ATP8B4: variants seen among roughly 807,000 people sequenced by gnomAD.
ATP8B4 encodes ATPase phospholipid transporting 8B4 (putative).
Under a neutral mutation model 145.6 loss-of-function variants are expected in ATP8B4, and 133 were observed. The ratio of observed to expected loss-of-function variants is 0.91; its 90% CI spans 0.79 to 1.05. ATP8B4 has a LOEUF of 1.05. Among genes scored for constraint, ATP8B4 ranks in the 50% least tolerant of loss-of-function variants. The pLI is 0.00. For missense variants in ATP8B4, 1,458 were observed against 1,425.2 expected, an observed-to-expected ratio of 1.02 and a Z score of -0.37; for synonymous variants, 507 against 492.9, an observed-to-expected ratio of 1.03 and a Z score of -0.38.
At chr15:49,904,541 C>T (rs993111828) in intron 20 of ATP8B4, among the ~76,000 whole-genome samples, 3 of 152,130 alleles carry the variant, frequency 2.0e-5, no homozygotes, top group Non-Finnish European at 4.4e-5. Context: ...AAACATTTTT[C>T]CTGGGTGACT....
At chr15:50,054,396 A>G (rs549369602) in intron 3 of ATP8B4, among the ~76,000 whole-genome samples, 21 of 152,334 alleles carry the variant, frequency 1.4e-4, no homozygotes, top group African/African-American at 5.1e-4. Flanking sequence ...GAAAGCTAGA[A>G]ACATTAATGG....
intron 27 of ATP8B4, among the ~76,000 whole-genome samples, chr15:49,861,007 T>C (rs538122826): frequency 6.6e-6 from 1 of 152,110 alleles, no homozygotes; most frequent in South Asian, 2.1e-4. Flanking sequence ...TTCCCTATTA[T>C]GTGAGTAGGT....
intron 5 of ATP8B4, among the ~76,000 whole-genome samples, chr15:50,042,901 AT>A (rs1416533567): frequency 3.3e-5 from 5 of 152,238 alleles, no homozygotes; most frequent in Non-Finnish European, 7.3e-5. Context: ...CGAAGAGCCA[AT>A]GGGCCATATA....
chr15:50,017,176 A>C (rs137948127), intron 6 of ATP8B4, among the ~76,000 whole-genome samples: 80 of 152,342 alleles, frequency 5.3e-4, no homozygotes, highest in African/African-American at 1.8e-3. Flanking sequence ...TCTGTAAAAT[A>C]TTAGGTCATC....
At chr15:49,936,229 A>C (rs1392670892) in intron 14 of ATP8B4, among the ~76,000 whole-genome samples, 1 of 152,170 alleles carries the variant, frequency 6.6e-6, no homozygotes, top group East Asian at 1.9e-4. Flanking sequence ...TCTGCTGCTC[A>C]GCTGCATCCT....
intron 12 of ATP8B4, among the ~76,000 whole-genome samples, chr15:49,976,197 CTT>C (rs1322237661): frequency 6.6e-6 from 1 of 151,926 alleles, no homozygotes; most frequent in African/African-American, 2.4e-5. Flanking sequence ...AACTGACACT[CTT>C]TGTTTATTTA....
chr15:49,873,836 C>T (rs2034002638), intron 25 of ATP8B4, among the ~76,000 whole-genome samples: 1 of 152,170 alleles, frequency 6.6e-6, no homozygotes, highest in African/African-American at 2.4e-5. Context: ...TCTCACTTTT[C>T]CCCATACCAC....
chr15:50,010,346 ACT>A (rs1473317011), intron 7 of ATP8B4, among the ~76,000 whole-genome samples: 1 of 152,044 alleles, frequency 6.6e-6, no homozygotes, highest in Non-Finnish European at 1.5e-5. Flanking sequence ...GATAAAGTAA[ACT>A]CTCATTAATA....
At chr15:49,958,093 GAA>G (rs1012306389) in intron 14 of ATP8B4, among the ~76,000 whole-genome samples, 1 of 151,184 alleles carries the variant, frequency 6.6e-6, no homozygotes, top group African/African-American at 2.4e-5. Flanking sequence ...AAATTAGGGA[GAA>G]AAAAACCCTT....
intron 2 of ATP8B4, among the ~76,000 whole-genome samples, chr15:50,100,114 G>C (rs1176004657): frequency 6.6e-6 from 1 of 150,440 alleles, no homozygotes; most frequent in East Asian, 2.0e-4. Flanking sequence ...GGAGAAAATT[G>C]TTATTTCCCC....
intron 12 of ATP8B4, among the ~76,000 whole-genome samples, chr15:49,978,444 C>G (rs1206211520): frequency 6.6e-6 from 1 of 152,154 alleles, no homozygotes; most frequent in Non-Finnish European, 1.5e-5. Flanking sequence ...CACAACTTGG[C>G]ATTTCAGTTT....
intron 12 of ATP8B4, among the ~76,000 whole-genome samples, chr15:49,973,208 T>C (rs888327440): frequency 2.6e-5 from 4 of 152,170 alleles, no homozygotes; most frequent in Admixed American, 2.6e-4. Context: ...TTCAGGATGA[T>C]TCAAGCACAT....
At chr15:50,084,276 C>G (rs1170620152) in intron 2 of ATP8B4, among the ~76,000 whole-genome samples, 1 of 151,900 alleles carries the variant, frequency 6.6e-6, no homozygotes, top group Admixed American at 6.6e-5. Flanking sequence ...GTGAAAAGAC[C>G]AACAAAAAAA....
Position 50,003,183 on chromosome 15 carries a change from T to C in ATP8B4, c.436-960A>G, listed in dbSNP as rs2048033030. On this transcript the variant is annotated intron_variant, in intron 7 of 27. Coordinates refer to ENST00000284509, the MANE Select transcript of ATP8B4 (RefSeq NM_024837.4). ...ATTTTTAAAAACATTAGAATTGCTT[T>C]GTTCTTGAATCTTGGGGGTTAAATT... 2.0e-5 allele frequency among the ~76,000 whole-genome samples: 3 copies of C among 152,272 alleles called. No individual in the cohort carries two copies. In the South Asian group the frequency reaches 6.2e-4, roughly 32 times the overall value.
intron 5 of ATP8B4, among the ~76,000 whole-genome samples, chr15:50,043,749 C>T (rs963432230): frequency 6.6e-6 from 1 of 151,000 alleles, no homozygotes; most frequent in Non-Finnish European, 1.5e-5. Context: ...GTCAGGAGAT[C>T]GAGACCATCC....
At chr15:49,929,819 T>A (rs1462894319) in intron 16 of ATP8B4, among the ~76,000 whole-genome samples, 1 of 151,864 alleles carries the variant, frequency 6.6e-6, no homozygotes, top group Non-Finnish European at 1.5e-5. Flanking sequence ...AAAAAATAGA[T>A]AGATGAACAG....
intron 1 of ATP8B4, among the ~76,000 whole-genome samples, chr15:50,160,639 C>T (rs1176826164): frequency 9.9e-5 from 15 of 151,424 alleles, no homozygotes. Context: ...AGTCACTGGT[C>T]ATTCAGGAGC....
intron 20 of ATP8B4, among the ~76,000 whole-genome samples, chr15:49,915,658 A>T (rs1216505864): frequency 6.6e-6 from 1 of 152,142 alleles, no homozygotes; most frequent in Non-Finnish European, 1.5e-5. Flanking sequence ...ATTTTAATTG[A>T]TTATTAAATA....
intron 1 of ATP8B4, 85 bp from the exon 2 acceptor site, chr15:50,107,093 A>ATTTG: frequency 2.4e-6 from 2 of 829,324 alleles, no homozygotes; most frequent in Non-Finnish European, 3.6e-6. Context: ...TCCTAGACAA[A>ATTTG]TCTAGGTAAT....
Sources: allele counts gnomAD v4.1 joint callset (sites outside exome capture counted in the v4.1 genomes callset), GRCh38; gene constraint gnomAD v4.1.1; transcripts MANE v1.5; gene names NCBI Gene and HGNC (gene_info 2026-07-23, HGNC 2026-07-21).